Variants in TBC1D22A observed in about 807,000 individuals in gnomAD.
TBC1D22A encodes TBC1 domain family member 22A, also known as putative GTPase activator.
Under a neutral mutation model 60.2 loss-of-function variants are expected in TBC1D22A, and 38 were observed. The observed-to-expected ratio is 0.63, with a 90% CI of 0.49 to 0.83. TBC1D22A has a LOEUF of 0.83. Ranked by LOEUF, TBC1D22A falls within the 40% of genes least tolerant of loss-of-function variation. TBC1D22A has a pLI of 0.00. For synonymous variants in TBC1D22A, 302 were observed against 281.7 expected, an observed-to-expected ratio of 1.07 and a Z score of -0.72; for missense variants, 628 against 701.0, an observed-to-expected ratio of 0.90 and a Z score of 1.18.
intron 8 of TBC1D22A, among the ~76,000 whole-genome samples, chr22:46,953,880 G>A (rs763625242): frequency 4.6e-5 from 7 of 152,228 alleles, no homozygotes; most frequent in Non-Finnish European, 1.0e-4. Flanking sequence ...CCTTAAGAGG[G>A]AGGCAGGGAG....
chr22:46,972,018 C>T (rs1449752728), intron 8 of TBC1D22A, among the ~76,000 whole-genome samples: 1 of 152,174 alleles, frequency 6.6e-6, no homozygotes, highest in Non-Finnish European at 1.5e-5. Context: ...GGGACAGAGC[C>T]ATGGCCAGCC....
At chr22:47,135,789 G>A (rs376556916) in intron 12 of TBC1D22A, among the ~76,000 whole-genome samples, 2 of 152,274 alleles carry the variant, frequency 1.3e-5, no homozygotes, top group Non-Finnish European at 2.9e-5. Flanking sequence ...GGAGAGTGCT[G>A]TGTTCATTCG....
At chr22:46,819,962 T>A (rs951098969) in intron 4 of TBC1D22A, among the ~76,000 whole-genome samples, 1 of 152,238 alleles carries the variant, frequency 6.6e-6, no homozygotes, top group Non-Finnish European at 1.5e-5. Flanking sequence ...TGGTTTAGTC[T>A]AGTTAGGGTA....
intron 1 of TBC1D22A, among the ~76,000 whole-genome samples, chr22:46,790,688 G>A (rs1258474431): frequency 6.6e-6 from 1 of 152,126 alleles, no homozygotes; most frequent in Non-Finnish European, 1.5e-5. Flanking sequence ...GAATGAAGAG[G>A]CACATAGCCG....
intron 9 of TBC1D22A, among the ~76,000 whole-genome samples, chr22:46,977,317 T>C (rs776657750): frequency 1.2e-4 from 19 of 152,142 alleles, no homozygotes; most frequent in Admixed American, 8.5e-4. Flanking sequence ...TTTTCAGTAA[T>C]TAGTTAACTT....
chr22:46,964,884 C>T (rs545219162), intron 8 of TBC1D22A, among the ~76,000 whole-genome samples: 4 of 152,342 alleles, frequency 2.6e-5, no homozygotes, highest in East Asian at 1.9e-4. Flanking sequence ...GTTAGAATTG[C>T]GACAGGGGCC....
intron 8 of TBC1D22A, among the ~76,000 whole-genome samples, chr22:46,947,412 A>C (rs900626083): frequency 6.6e-6 from 1 of 152,166 alleles, no homozygotes; most frequent in African/African-American, 2.4e-5. Context: ...CTGCGCATTA[A>C]AGGTGGACGG....
chr22:46,771,005 G>C (rs1451583236), intron 1 of TBC1D22A, among the ~76,000 whole-genome samples: 1 of 152,094 alleles, frequency 6.6e-6, no homozygotes, highest in East Asian at 1.9e-4. Context: ...TCCTTTTCTT[G>C]TTCCTTTCAG....
intron 4 of TBC1D22A, 118 bp from the exon 5 acceptor site, chr22:46,878,535 A>T: frequency 1.3e-6 from 1 of 799,488 alleles, no homozygotes; most frequent in Non-Finnish European, 2.2e-6. Flanking sequence ...GATTTAGTTT[A>T]ATTTGTTTAT....
At chr22:46,837,759 C>T (rs1456044003) in intron 4 of TBC1D22A, among the ~76,000 whole-genome samples, 2 of 152,108 alleles carry the variant, frequency 1.3e-5, no homozygotes, top group African/African-American at 2.4e-5. Flanking sequence ...GTGATAAGTG[C>T]CTTGTTAAGA....
chr22:47,115,307 T>A (rs1410389337), intron 12 of TBC1D22A, among the ~76,000 whole-genome samples: 1 of 152,184 alleles, frequency 6.6e-6, no homozygotes, highest in Non-Finnish European at 1.5e-5. Context: ...GCTATATGTA[T>A]GTGGCTCCAC....
intron 10 of TBC1D22A, among the ~76,000 whole-genome samples, chr22:47,003,728 TAC>T (rs1291709237): frequency 3.5e-5 from 4 of 114,694 alleles, no homozygotes; most frequent in African/African-American, 7.4e-5. Context: ...ACACACACTC[TAC>T]ACACACATGC....
intron 11 of TBC1D22A, among the ~76,000 whole-genome samples, chr22:47,094,233 G>T (rs2065086136): frequency 6.6e-6 from 1 of 152,212 alleles, no homozygotes; most frequent in Non-Finnish European, 1.5e-5. Context: ...TAAAACAAAT[G>T]TTAAGTTTTA....
At chr22:46,982,044 G>A (rs2074534081) in intron 9 of TBC1D22A, among the ~76,000 whole-genome samples, 1 of 152,152 alleles carries the variant, frequency 6.6e-6, no homozygotes, top group African/African-American at 2.4e-5. Context: ...GGGACTCCAT[G>A]GTGTGGGATC....
intron 9 of TBC1D22A, among the ~76,000 whole-genome samples, chr22:46,994,795 A>T (rs769024489): frequency 4.6e-5 from 7 of 152,188 alleles, no homozygotes; most frequent in Non-Finnish European, 7.3e-5. Flanking sequence ...AACTTGCAAC[A>T]CACAGTGTGC....
At position 46,974,273 on chromosome 22, in the gene TBC1D22A, T is replaced by C. The variant is rs1427915293; in HGVS notation, c.1016-17T>C. On this transcript the variant is annotated splice_polypyrimidine_tract_variant and intron_variant, in intron 8 of 12. Transcript: ENST00000337137. ...TGGCTAAGTCTCCTTGTCTTTTGCATGCTCGGCGCCGCCCAGAGGCAGAGG... is the reference window on the plus strand; with the variant it reads ...TGGCTAAGTCTCCTTGTCTTTTGCACGCTCGGCGCCGCCCAGAGGCAGAGG... The C allele has an allele frequency of 6.4e-7, 1 of 1,570,700 alleles. No individual in the cohort carries two copies. Among genetic ancestry groups the C allele is most frequent in the Non-Finnish European group, 8.6e-7 (1 of 1,157,892 alleles).
At chr22:47,011,940 C>G (rs1281904353) in intron 10 of TBC1D22A, among the ~76,000 whole-genome samples, 1 of 151,984 alleles carries the variant, frequency 6.6e-6, no homozygotes, top group African/African-American at 2.4e-5. Flanking sequence ...TGCTGACTCC[C>G]TTGCTTACAT....
chr22:46,774,996 T>C (rs1481116482), intron 1 of TBC1D22A, among the ~76,000 whole-genome samples: 1 of 152,240 alleles, frequency 6.6e-6, no homozygotes, highest in East Asian at 1.9e-4. Flanking sequence ...ACATTTTTAC[T>C]AAACTAAAAA....
intron 10 of TBC1D22A, among the ~76,000 whole-genome samples, chr22:47,012,845 AT>A (rs941431224): frequency 1.3e-5 from 2 of 152,194 alleles, no homozygotes; most frequent in African/African-American, 4.8e-5. Flanking sequence ...AAGACGGGAC[AT>A]TAACAGTTGT....
Sources: gnomAD v4.1 joint callset for allele counts (sites outside exome capture counted in the v4.1 genomes callset) on GRCh38, gnomAD v4.1.1 for gene constraint, MANE v1.5 for transcripts, NCBI Gene and HGNC (gene_info 2026-07-23, HGNC 2026-07-21) for gene names.